Variants in DNAH7 observed in about 807,000 individuals in gnomAD.
DNAH7 encodes the protein dynein axonemal heavy chain 7, also known as axonemal beta dynein heavy chain 7.
DNAH7 carries 397 observed loss-of-function variants against 444.6 expected under a neutral mutation model. The observed-to-expected ratio is 0.89, with a 90% CI of 0.82 to 0.97. DNAH7 has a LOEUF of 0.97. Ranked by LOEUF, DNAH7 falls within the 50% of genes least tolerant of loss-of-function variation. DNAH7 has a pLI of 0.00. For missense variants in DNAH7, 4,902 were observed against 4,800.8 expected (o/e 1.02, Z -0.62); for synonymous variants, 1,636 against 1,624.4 (o/e 1.01, Z -0.17).
intron 28 of DNAH7, among the ~76,000 whole-genome samples, chr2:195,898,827 A>C (rs1208211488): frequency 6.6e-6 from 1 of 152,196 alleles, no homozygotes. Flanking sequence ...GTTTACTACA[A>C]ATCTGGTTGA....
At chr2:196,022,750 C>T (rs1268965749) in intron 8 of DNAH7, among the ~76,000 whole-genome samples, 2 of 152,194 alleles carry the variant, frequency 1.3e-5, no homozygotes, top group African/African-American at 4.8e-5. Flanking sequence ...GATATTTTTA[C>T]CACCTTGTAT....
chr2:195,861,317 T>C (rs1022999762), intron 42 of DNAH7, among the ~76,000 whole-genome samples: 1 of 152,198 alleles, frequency 6.6e-6, no homozygotes, highest in Admixed American at 6.5e-5. Flanking sequence ...CATGTTTATA[T>C]TGATGTTTTC....
At chr2:196,023,079 T>C (rs1695476277) in intron 8 of DNAH7, among the ~76,000 whole-genome samples, 2 of 152,056 alleles carry the variant, frequency 1.3e-5, no homozygotes, top group Non-Finnish European at 2.9e-5. Flanking sequence ...AGGTGGGGCC[T>C]GTTGGGAGGT....
At chr2:195,872,543 G>C in intron 39 of DNAH7, 74 bp from the exon 40 acceptor site, 2 of 948,798 alleles carry the variant, frequency 2.1e-6, no homozygotes, top group East Asian at 5.6e-5. Flanking sequence ...AGGATATTTA[G>C]CAGGACCAAC....
intron 48 of DNAH7, among the ~76,000 whole-genome samples, chr2:195,833,531 T>C (rs7582441): frequency 0.63 from 95,268 of 152,074 alleles, 30,832 homozygotes; most frequent in Non-Finnish European, 0.72. Flanking sequence ...TTACCTTTAT[T>C]TGGCCATGTA....
At chr2:195,998,078 A>C (rs1693807754) in intron 12 of DNAH7, among the ~76,000 whole-genome samples, 1 of 152,246 alleles carries the variant, frequency 6.6e-6, no homozygotes, top group South Asian at 2.1e-4. Flanking sequence ...ATACGGTTTC[A>C]GAACCATTAC....
intron 32 of DNAH7, 115 bp downstream of exon 32, chr2:195,888,684 C>G: frequency 1.8e-6 from 2 of 1,113,392 alleles, no homozygotes; most frequent in Non-Finnish European, 2.5e-6. Context: ...AATCACAGAT[C>G]GCTCTTAAAA....
intron 19 of DNAH7, among the ~76,000 whole-genome samples, chr2:195,938,274 T>G (rs1450171824): frequency 6.6e-6 from 1 of 151,992 alleles, no homozygotes; most frequent in Non-Finnish European, 1.5e-5. Flanking sequence ...TAGATCAATT[T>G]ATCTTTAAAG....
intron 45 of DNAH7, 22 bp downstream of exon 45, chr2:195,855,789 C>A: frequency 6.2e-7 from 1 of 1,606,900 alleles, no homozygotes; most frequent in Non-Finnish European, 8.5e-7. Context: ...ATTTGTCCAT[C>A]TTTTTCTATA....
intron 47 of DNAH7, among the ~76,000 whole-genome samples, chr2:195,843,635 G>T (rs569981464): frequency 6.6e-6 from 1 of 152,174 alleles, no homozygotes; most frequent in East Asian, 1.9e-4. Flanking sequence ...TACCCTAGGT[G>T]GTCTCATCAG....
intron 58 of DNAH7, among the ~76,000 whole-genome samples, chr2:195,784,716 G>C (rs1695529077): frequency 6.6e-6 from 1 of 152,154 alleles, no homozygotes; most frequent in Non-Finnish European, 1.5e-5. Flanking sequence ...CAATTAATGA[G>C]AGTTCCTGCT....
chr2:195,766,138 G>T (rs1414375485), intron 61 of DNAH7, among the ~76,000 whole-genome samples: 2 of 142,934 alleles, frequency 1.4e-5, no homozygotes, highest in Admixed American at 1.4e-4. Context: ...GACAAACTTT[G>T]CATGTTCTCG....
intron 29 of DNAH7, among the ~76,000 whole-genome samples, chr2:195,897,145 A>G (rs1166120454): frequency 6.6e-6 from 1 of 152,202 alleles, no homozygotes; most frequent in Non-Finnish European, 1.5e-5. Context: ...ATATTATGAA[A>G]ACTTTAACCA....
chr2:195,922,147 A>C lies in DNAH7; in HGVS notation c.3876T>G (p.Tyr1292Ter). 6.2e-7 allele frequency: 1 copy of C among 1,613,542 alleles called. No homozygotes were observed. Among genetic ancestry groups the C allele is most frequent in the Non-Finnish European group, 8.5e-7 (1 of 1,179,470 alleles). The stretch of plus-strand genomic sequence containing the variant: ...GCCTAGGGGAATTACCCAGATATTC[A>C]TATCCATATCGCAAACCAGCATTGA... ...KMINAGLRYG[Y>*]EYLGNSPRLV... The change falls in exon 24 of 65, where the codon TAT becomes TAG. Residue 1292 changes from tyrosine (Y) to a stop codon, truncating the protein, a stop_gained. Transcript: ENST00000312428. LOFTEE classifies it high-confidence loss of function.
intron 5 of DNAH7, among the ~76,000 whole-genome samples, chr2:196,041,860 A>AAAC (rs1461412220): frequency 2.6e-5 from 4 of 151,576 alleles, no homozygotes; most frequent in African/African-American, 9.7e-5. Flanking sequence ...ACTCAACAAC[A>AAAC]AATAATAATA....
chr2:195,917,233 T>C (rs1045220517), intron 24 of DNAH7, among the ~76,000 whole-genome samples: 13 of 150,554 alleles, frequency 8.6e-5, no homozygotes, highest in African/African-American at 1.2e-4. Flanking sequence ...ATCTCAGGAG[T>C]TGGGCAAGTG....
chr2:196,032,306 G>A (rs1696108980), intron 5 of DNAH7, among the ~76,000 whole-genome samples: 1 of 152,138 alleles, frequency 6.6e-6, no homozygotes, highest in Non-Finnish European at 1.5e-5. Flanking sequence ...CAATTCAAAT[G>A]AGATTTGGGT....
chr2:195,858,162 A>G (rs950060425), intron 43 of DNAH7, among the ~76,000 whole-genome samples: 1 of 152,228 alleles, frequency 6.6e-6, no homozygotes, highest in Non-Finnish European at 1.5e-5. Flanking sequence ...CTTAGAATCA[A>G]AATATAATCT....
chr2:195,991,637 T>C (rs1244026542), intron 12 of DNAH7, among the ~76,000 whole-genome samples: 9 of 152,224 alleles, frequency 5.9e-5, no homozygotes, highest in Admixed American at 5.9e-4. Flanking sequence ...TGCAGAACCC[T>C]GTACATATAA....
Sources: allele counts gnomAD v4.1 joint callset (sites outside exome capture counted in the v4.1 genomes callset), GRCh38; gene constraint gnomAD v4.1.1; transcripts MANE v1.5; gene names NCBI Gene and HGNC (gene_info 2026-07-23, HGNC 2026-07-21).